The following PDE8B variants were observed in gnomAD, a reference collection of about 807,000 sequenced individuals.
PDE8B encodes high affinity cAMP-specific and IBMX-insensitive 3',5'-cyclic phosphodiesterase 8B.
Under a neutral mutation model 101.3 loss-of-function variants are expected in PDE8B, and 26 were observed. That is an observed-to-expected ratio of 0.26 (90% CI 0.19 to 0.36). The LOEUF (loss-of-function observed/expected upper bound fraction) is 0.36, where lower values mean the gene tolerates loss of function less well. Ranked by LOEUF, PDE8B falls within the 10% of genes least tolerant of loss-of-function variation. PDE8B has a pLI of 1.00. For synonymous variants in PDE8B, 424 were observed against 429.3 expected (o/e 0.99, Z 0.15); for missense variants, 810 against 1,163.1 (o/e 0.70, Z 4.42).
rs994195896 is a variant in PDE8B, at chr5:77,211,918, T to C, written c.339+654T>C. ...AGAACCGGGCCATGAGTTCGGAGTGTCAGCAGAGCCACCGTGAGGGGACGT... is the reference window on the plus strand; with the variant it reads ...AGAACCGGGCCATGAGTTCGGAGTGCCAGCAGAGCCACCGTGAGGGGACGT... On this transcript the variant is annotated intron_variant, in intron 1 of 21. Transcript: ENST00000264917. This position sits in a 1 kb window ranked among gnomAD's most constrained non-coding sequence, Gnocchi z 4.1. Among the ~76,000 whole-genome samples the C allele has an allele frequency of 2.0e-5, 3 of 152,124 alleles. No individual in the cohort carries two copies. The highest frequency in any genetic ancestry group is 7.2e-5 in the African/African-American group (3 of 41,418).
At chr5:77,243,664 C>T (rs1248761405) in intron 1 of PDE8B, among the ~76,000 whole-genome samples, 2 of 152,130 alleles carry the variant, frequency 1.3e-5, no homozygotes, top group East Asian at 3.9e-4. Flanking sequence ...CATGTTGTAG[C>T]ATGTGTGAGT....
chr5:77,211,929 AC>A lies in PDE8B; in HGVS notation c.339+667del, dbSNP rs1338900630. ...ATGAGTTCGGAGTGTCAGCAGAGCC[AC>A]CGTGAGGGGACGTGGTTTCCAGTGC... is the stretch of plus-strand genomic sequence containing the variant. On this transcript the variant is annotated intron_variant, in intron 1 of 21. Coordinates refer to ENST00000264917, the MANE Select transcript of PDE8B (RefSeq NM_003719.5). This position sits in a 1 kb window ranked among gnomAD's most constrained non-coding sequence, Gnocchi z 4.1. 3.3e-5 allele frequency among the ~76,000 whole-genome samples: 5 copies of A among 152,154 alleles called. No individual in the cohort carries two copies. The highest frequency in any genetic ancestry group is 1.5e-5 in the Non-Finnish European group (1 of 68,024).
Position 77,337,219 on chromosome 5 carries a change from C to CT in PDE8B, c.709-4dup. 9.4e-6 allele frequency: 14 copies of CT among 1,489,380 alleles called. No individual in the cohort carries two copies. Among genetic ancestry groups the CT allele is most frequent in the Non-Finnish European group, 1.3e-5 (14 of 1,070,358 alleles). The allele number at this position is 1,489,380 out of a possible 1,614,324, so 92.3% of individuals were successfully genotyped here. On this transcript the variant is annotated splice_region_variant and splice_polypyrimidine_tract_variant and intron_variant, in intron 5 of 21. Transcript: ENST00000264917. ...ATGTCTTATGTATTGTCTTTGCTTT[C>CT]TTTTCAGAGATTTATGGAGAATAGC...
chr5:77,408,800 C>A (rs569231462), intron 13 of PDE8B, 93 bp from the exon 14 acceptor site: 69 of 973,778 alleles, frequency 7.1e-5, no homozygotes, highest in Non-Finnish European at 1.0e-4. Flanking sequence ...GAGATGGTTA[C>A]CCACTGATTT....
the PDE8B span, among the ~76,000 whole-genome samples, chr5:77,193,705 A>G: frequency 6.6e-6 from 1 of 152,164 alleles, no homozygotes; most frequent in Non-Finnish European, 1.5e-5. Context: ...TTACAGATAT[A>G]AACCTGTTGG....
chr5:77,286,003 G>T (rs771617547), intron 1 of PDE8B, among the ~76,000 whole-genome samples: 1 of 151,836 alleles, frequency 6.6e-6, no homozygotes, highest in South Asian at 2.1e-4. Flanking sequence ...TTATTTTTCT[G>T]CACTGAGGTT....
chr5:77,243,168 C>G (rs1358649521), intron 1 of PDE8B, among the ~76,000 whole-genome samples: 1 of 152,044 alleles, frequency 6.6e-6, no homozygotes, highest in African/African-American at 2.4e-5. Context: ...GTAGCTTGAG[C>G]CTAACTTTTT....
At position 77,210,879 on chromosome 5, in the gene PDE8B, C is replaced by G; in HGVS notation, c.-47C>G. ...AGGTGGCAGCGGGTGCGCTGGGTCCCGGCGGCCGCGGGCGCGGGCGGGCGC... is the reference window on the plus strand; with the variant it reads ...AGGTGGCAGCGGGTGCGCTGGGTCCGGGCGGCCGCGGGCGCGGGCGGGCGC... On this transcript the variant is annotated 5_prime_UTR_variant, in exon 1 of 22. Coordinates refer to ENST00000264917, the MANE Select transcript of PDE8B (RefSeq NM_003719.5). This position sits in a 1 kb window ranked among gnomAD's most constrained non-coding sequence, Gnocchi z 4.9. 3.3e-5 allele frequency: 41 copies of G among 1,227,970 alleles called. No homozygotes were observed. Among genetic ancestry groups the G allele is most frequent in the Non-Finnish European group, 4.0e-5 (40 of 990,154 alleles). The allele number at this position is 1,227,970 out of a possible 1,614,324, so 76.1% of individuals were successfully genotyped here.
chr5:77,339,846 A>G (rs1309322753), intron 6 of PDE8B, among the ~76,000 whole-genome samples: 1 of 152,184 alleles, frequency 6.6e-6, no homozygotes, highest in African/African-American at 2.4e-5. Flanking sequence ...ACCGAGAAAC[A>G]AAAAGGATCA....
At chr5:77,295,802 T>A (rs896248196) in intron 1 of PDE8B, among the ~76,000 whole-genome samples, 2 of 152,210 alleles carry the variant, frequency 1.3e-5, no homozygotes, top group Non-Finnish European at 2.9e-5. Flanking sequence ...CTTGATCTGG[T>A]AATTTGGAAG....
intron 7 of PDE8B, among the ~76,000 whole-genome samples, chr5:77,345,823 C>T (rs1780048740): frequency 6.6e-6 from 1 of 152,152 alleles, no homozygotes; most frequent in African/African-American, 2.4e-5. Flanking sequence ...ATCAGTAGGG[C>T]ACCAAAGACA....
chr5:77,306,338 T>G (rs1771203091), intron 1 of PDE8B, among the ~76,000 whole-genome samples: 1 of 152,186 alleles, frequency 6.6e-6, no homozygotes, highest in Non-Finnish European at 1.5e-5. Context: ...CCACAAAGCA[T>G]TTACTGAGCA....
intron 20 of PDE8B, among the ~76,000 whole-genome samples, chr5:77,423,688 G>A (rs1194147636): frequency 1.6e-5 from 2 of 126,552 alleles, no homozygotes; most frequent in Non-Finnish European, 3.2e-5. Context: ...TGCCCAGGCT[G>A]GAGTGCAGTG....
At chr5:77,197,959 G>A in the PDE8B span, among the ~76,000 whole-genome samples, 1 of 151,122 alleles carries the variant, frequency 6.6e-6, no homozygotes, top group Non-Finnish European at 1.5e-5. Flanking sequence ...TGTCATTTCT[G>A]TTTCTATTGA....
the PDE8B span, among the ~76,000 whole-genome samples, chr5:77,126,408 GATCT>G: frequency 1.3e-5 from 2 of 152,166 alleles, no homozygotes; most frequent in South Asian, 2.1e-4. Context: ...TGAAAAGTGA[GATCT>G]ATCTGTGTTT....
the PDE8B span, among the ~76,000 whole-genome samples, chr5:77,159,847 A>G: frequency 5.9e-5 from 9 of 152,344 alleles, no homozygotes; most frequent in Middle Eastern, 3.4e-3. Flanking sequence ...GTGCATATCC[A>G]GAGACTCTCA....
the PDE8B span, among the ~76,000 whole-genome samples, chr5:77,166,011 A>G: frequency 6.7e-6 from 1 of 149,228 alleles, no homozygotes; most frequent in African/African-American, 2.5e-5. Flanking sequence ...AAAAAAAAGG[A>G]AAGATAAGAG....
Position 77,407,900 on chromosome 5 carries a change from A to T in PDE8B, c.1365+443A>T, listed in dbSNP as rs73764871. ...GGTAAGCAGGTGAGAGAGGAGGAGG[A>T]TGTAGGTTGTACAGGGCTCAGCTCA... On this transcript the variant is annotated intron_variant, in intron 13 of 21. Coordinates refer to ENST00000264917, the MANE Select transcript of PDE8B (RefSeq NM_003719.5). Among the ~76,000 whole-genome samples, 1,246 of 152,238 alleles carry T rather than the reference A, an allele frequency of 8.2e-3. 19 individuals carry two copies. The highest frequency in any genetic ancestry group is 0.028 in the African/African-American group (1,151 of 41,526).
At chr5:77,263,707 A>G (rs897008535) in intron 1 of PDE8B, among the ~76,000 whole-genome samples, 7 of 152,192 alleles carry the variant, frequency 4.6e-5, no homozygotes, top group African/African-American at 1.4e-4. Context: ...ATTTGGTGCT[A>G]TGTGGAGTAA....
Sources: gnomAD v4.1 joint callset for allele counts (sites outside exome capture counted in the v4.1 genomes callset) on GRCh38, gnomAD v4.1.1 for gene constraint, Gnocchi (gnomAD v3.1) non-coding constraint, MANE v1.5 for transcripts, NCBI Gene and HGNC (gene_info 2026-07-23, HGNC 2026-07-21) for gene names.